Variants in PLXNA4 observed in about 807,000 individuals in gnomAD.
The protein encoded by PLXNA4 is plexin-A4.
A neutral mutation model predicts 191.8 loss-of-function variants in PLXNA4; 44 were observed. The ratio of observed to expected loss-of-function variants is 0.23; its 90% CI spans 0.18 to 0.29. The LOEUF is 0.29. Among genes scored for constraint, PLXNA4 ranks in the 10% least tolerant of loss-of-function variants. PLXNA4 has a pLI of 1.00. For synonymous variants in PLXNA4, 1,082 were observed against 1,009.5 expected (o/e 1.07, Z -1.36); for missense variants, 1,800 against 2,488.8 (o/e 0.72, Z 5.89).
At chr7:132,147,726 GC>G (rs887739080) in intron 27 of PLXNA4, among the ~76,000 whole-genome samples, 173 bp downstream of exon 27, 9 of 152,102 alleles carry the variant, frequency 5.9e-5, no homozygotes, top group African/African-American at 2.2e-4. Flanking sequence ...GCATCAGAGT[GC>G]CCGACTGAAA....
At chr7:132,615,521 G>T (rs1050529055) in intron 2 of PLXNA4, among the ~76,000 whole-genome samples, 9 of 152,176 alleles carry the variant, frequency 5.9e-5, no homozygotes, top group Non-Finnish European at 1.0e-4. Flanking sequence ...GGCTCTGGAC[G>T]CAACGAAGAG....
At chr7:132,594,960 TA>T (rs1563189697) in intron 2 of PLXNA4, among the ~76,000 whole-genome samples, 2 of 148,804 alleles carry the variant, frequency 1.3e-5, no homozygotes, top group Non-Finnish European at 3.0e-5. Flanking sequence ...GATAGATAGA[TA>T]GATAATTGAT....
chr7:132,606,487 C>G (rs1802925562), intron 2 of PLXNA4, among the ~76,000 whole-genome samples: 1 of 152,338 alleles, frequency 6.6e-6, no homozygotes, highest in South Asian at 2.1e-4. Flanking sequence ...TCTATACATT[C>G]TCATGCCACT....
rs1491406139 is a variant in PLXNA4, at chr7:132,188,955, A to AG, written c.2857-1349_2857-1348insC. On this transcript the variant is annotated intron_variant, in intron 14 of 31. Coordinates refer to ENST00000321063, the MANE Select transcript of PLXNA4 (RefSeq NM_020911.2). The stretch of plus-strand genomic sequence containing the variant: ...ATCCCCACCAACCTTCCCAGAGAGG[A>AG]AAGGAAAGGAAAGGAAAGGAAAGGA... Among the ~76,000 whole-genome samples, 39 of 46,826 alleles carry AG rather than the reference A, an allele frequency of 8.3e-4. 2 individuals carry two copies. The highest frequency in any genetic ancestry group is 6.2e-3 in the South Asian group (4 of 642). 30.7% of individuals were successfully genotyped at this position (46,826 alleles called of 152,430 possible).
Position 132,228,327 on chromosome 7 carries a change from C to T in PLXNA4, c.1728+19G>A. 3.7e-6 allele frequency: 6 copies of T among 1,613,842 alleles called. No homozygotes were observed. The highest frequency in any genetic ancestry group is 5.1e-6 in the Non-Finnish European group (6 of 1,179,848). On this transcript the variant is annotated intron_variant, in intron 6 of 31. Transcript: ENST00000321063. ...TTCCTTGCATCCCTGGACCCCACCCCAACCCCCACGACCCTTACCAGCACG... is the reference window on the plus strand; with the variant it reads ...TTCCTTGCATCCCTGGACCCCACCCTAACCCCCACGACCCTTACCAGCACG...
chr7:132,480,064 A>G (rs933526848), intron 3 of PLXNA4, among the ~76,000 whole-genome samples: 5 of 152,198 alleles, frequency 3.3e-5, no homozygotes, highest in African/African-American at 4.8e-5. Flanking sequence ...CCAAGTCCCC[A>G]TATCTATAAA....
intron 30 of PLXNA4, among the ~76,000 whole-genome samples, chr7:132,136,481 T>C (rs1170294254): frequency 6.6e-6 from 1 of 152,164 alleles, no homozygotes; most frequent in Non-Finnish European, 1.5e-5. Flanking sequence ...TGGCCTTCCC[T>C]GGTTCTTTTT....
intron 1 of PLXNA4, among the ~76,000 whole-genome samples, chr7:132,560,820 C>T (rs1432871783): frequency 6.6e-6 from 1 of 152,112 alleles, no homozygotes; most frequent in African/African-American, 2.4e-5. Context: ...CCACCTTCAC[C>T]GCCATATCCA....
At chr7:132,452,635 C>T (rs904732499) in intron 3 of PLXNA4, among the ~76,000 whole-genome samples, 8 of 152,170 alleles carry the variant, frequency 5.3e-5, no homozygotes, top group Non-Finnish European at 7.3e-5. Flanking sequence ...TCTACCCTCT[C>T]GCTTCTGTGG....
At chr7:132,133,722 C>T (rs953140713) in intron 30 of PLXNA4, among the ~76,000 whole-genome samples, 2 of 152,178 alleles carry the variant, frequency 1.3e-5, no homozygotes, top group African/African-American at 4.8e-5. Context: ...TGCAGCTGTG[C>T]ACTGCTGTCA....
rs1430411038 is a variant in PLXNA4 at position 132,124,023 on chromosome 7, A to C, written c.*6456T>G. On this transcript the variant is annotated 3_prime_UTR_variant, in exon 32 of 32. Coordinates refer to ENST00000321063, the MANE Select transcript of PLXNA4 (RefSeq NM_020911.2). ...GAGATGGGCTGGCCCCTACATGCTA[A>C]AGTGGGGAGGAGGGCAGTGGCATCC... is the stretch of plus-strand genomic sequence containing the variant. The C allele has an allele frequency of 6.6e-6, 1 of 152,256 alleles. No individual in the cohort carries two copies. The highest frequency in any genetic ancestry group is 1.5e-5 in the Non-Finnish European group (1 of 68,084). 9.4% of individuals were successfully genotyped at this position (152,256 alleles called of 1,614,324 possible). A position where few individuals can be genotyped will look rare whatever the true frequency, so the allele number is the denominator to read the frequency against.
intron 4 of PLXNA4, among the ~76,000 whole-genome samples, chr7:132,292,678 G>A (rs1308445244): frequency 6.6e-6 from 1 of 152,184 alleles, no homozygotes; most frequent in Non-Finnish European, 1.5e-5. Context: ...CTACCTGCTA[G>A]ACACAAGAGA....
intron 1 of PLXNA4, among the ~76,000 whole-genome samples, chr7:132,574,976 C>T (rs1029009415): frequency 6.6e-6 from 1 of 152,196 alleles, no homozygotes; most frequent in African/African-American, 2.4e-5. Flanking sequence ...ATACTCTGAA[C>T]ACATGATCTT....
Position 132,575,032 on chromosome 7 carries a change from A to G in PLXNA4, c.-87+1390T>C, listed in dbSNP as rs1183479819. Among the ~76,000 whole-genome samples, 3 of 152,324 alleles carry G rather than the reference A, an allele frequency of 2.0e-5. 1 individual carries two copies. Among genetic ancestry groups the G allele is most frequent in the Admixed American group, 2.0e-4 (3 of 15,302 alleles). On this transcript the variant is annotated intron_variant, in intron 1 of 31. Transcript: ENST00000321063. ...TTCAGTTTTGTGGGAAAATGATATG[A>G]TCATGTTGCCTAGAAAGCTACCTCA...
intron 2 of PLXNA4, among the ~76,000 whole-genome samples, chr7:132,506,402 C>T (rs966127572): frequency 2.0e-5 from 3 of 152,222 alleles, no homozygotes; most frequent in Non-Finnish European, 2.9e-5. Context: ...AGTATGGATG[C>T]GTACTTCTGT....
intron 1 of PLXNA4, among the ~76,000 whole-genome samples, chr7:132,520,983 C>T (rs1028915020): frequency 6.6e-6 from 1 of 152,102 alleles, no homozygotes; most frequent in Non-Finnish European, 1.5e-5. Context: ...CCCCTCTCTT[C>T]TTTCTCAATT....
intron 9 of PLXNA4, among the ~76,000 whole-genome samples, chr7:132,214,861 C>A (rs148006616): frequency 6.6e-6 from 1 of 152,284 alleles, no homozygotes; most frequent in Non-Finnish European, 1.5e-5. Flanking sequence ...TTGGCTTAAC[C>A]ATGACTAGGG....
At chr7:132,435,310 G>C (rs1795427836) in intron 3 of PLXNA4, among the ~76,000 whole-genome samples, 1 of 152,076 alleles carries the variant, frequency 6.6e-6, no homozygotes, top group Non-Finnish European at 1.5e-5. Flanking sequence ...GGGGAGGGGG[G>C]AGAGATTCTG....
intron 1 of PLXNA4, among the ~76,000 whole-genome samples, chr7:132,563,489 C>T (rs1585351325): frequency 1.0e-5 from 1 of 98,576 alleles, no homozygotes; most frequent in Non-Finnish European, 2.2e-5. Flanking sequence ...TGCTCCTCCT[C>T]CTCCTTCTCC....
Sources: gnomAD v4.1 joint callset for allele counts (sites outside exome capture counted in the v4.1 genomes callset) on GRCh38, gnomAD v4.1.1 for gene constraint, MANE v1.5 for transcripts, NCBI Gene and HGNC (gene_info 2026-07-23, HGNC 2026-07-21) for gene names.